ENOX2: variants seen among roughly 807,000 people sequenced by gnomAD.
ENOX2 encodes the protein ecto-NOX disulfide-thiol exchanger 2.
In ENOX2, 36 loss-of-function variants were observed where a neutral mutation model predicts 45.0. That is an observed-to-expected ratio of 0.80 (90% CI 0.61 to 1.06). The LOEUF is 1.06. Among genes scored for constraint, ENOX2 ranks in the 50% least tolerant of loss-of-function variants. The probability of loss-of-function intolerance (pLI) is 0.00; values close to 1 mark genes in which losing one functional copy is unlikely to be tolerated. For synonymous variants in ENOX2, 174 were observed against 152.3 expected, an observed-to-expected ratio of 1.14 and a Z score of -1.05; for missense variants, 423 against 462.5, an observed-to-expected ratio of 0.91 and a Z score of 0.78.
intron 9 of ENOX2, among the ~76,000 whole-genome samples, chrX:130,660,509 G>A (rs1163968805): frequency 1.8e-5 from 2 of 111,727 alleles, no homozygotes; most frequent in Admixed American, 9.5e-5. Context: ...ACCCCAGGAA[G>A]GCATTCTACC....
intron 2 of ENOX2, among the ~76,000 whole-genome samples, chrX:130,818,248 G>T: frequency 2.7e-5 from 3 of 111,581 alleles, no homozygotes; most frequent in Non-Finnish European, 5.6e-5. Flanking sequence ...GCAAATAAGA[G>T]AGGACATAAA....
Position 130,624,689 on chromosome X carries a change from GAT to G in ENOX2, c.*623_*624del, listed in dbSNP as rs2035498487. The stretch of plus-strand genomic sequence containing the variant: ...CAATTCTGAAACAGATCTTTAATGT[GAT>G]ATGTTAGAGAAAATAACTTTGGAAC... On this transcript the variant is annotated 3_prime_UTR_variant, in exon 15 of 15. Coordinates refer to ENST00000394363, the MANE Select transcript of ENOX2 (RefSeq NM_006375.4). 1.8e-5 allele frequency: 2 copies of G among 112,735 alleles called. No individual in the cohort carries two copies. Among genetic ancestry groups the G allele is most frequent in the South Asian group, 7.2e-4 (2 of 2,771 alleles). The allele number at this position is 112,735 out of a possible 1,213,427, so 9.3% of individuals were successfully genotyped here.
intron 10 of ENOX2, among the ~76,000 whole-genome samples, chrX:130,640,531 AG>A (rs1386307053): frequency 1.8e-5 from 2 of 112,866 alleles, no homozygotes; most frequent in East Asian, 5.5e-4. Flanking sequence ...GACTGGATAA[AG>A]AAAATGTGGT....
At chrX:130,817,364 T>C (rs1456276184) in intron 2 of ENOX2, among the ~76,000 whole-genome samples, 2 of 112,029 alleles carry the variant, frequency 1.8e-5, no homozygotes, top group Admixed American at 9.4e-5. Context: ...TACCATTCCT[T>C]CTGTAACTAT....
intron 10 of ENOX2, among the ~76,000 whole-genome samples, chrX:130,649,461 G>A (rs1456253808): frequency 1.8e-5 from 2 of 111,314 alleles, no homozygotes; most frequent in Non-Finnish European, 3.8e-5. Context: ...AGGCTGCTGT[G>A]GTCAGATGGT....
intron 9 of ENOX2, among the ~76,000 whole-genome samples, chrX:130,659,469 G>A (rs1055925054): frequency 8.9e-6 from 1 of 111,897 alleles, no homozygotes; most frequent in Non-Finnish European, 1.9e-5. Context: ...AAAGGGCTGT[G>A]TCAAGAGAGA....
intron 2 of ENOX2, among the ~76,000 whole-genome samples, chrX:130,898,727 CTT>C (rs1007829022): frequency 1.9e-5 from 2 of 103,884 alleles, no homozygotes; most frequent in Non-Finnish European, 3.9e-5. Context: ...TTAAGATGTT[CTT>C]TTTTTTCTTT....
intron 3 of ENOX2, among the ~76,000 whole-genome samples, chrX:130,735,170 G>A (rs1453462014): frequency 8.9e-6 from 1 of 112,161 alleles, no homozygotes; most frequent in Admixed American, 9.4e-5. Context: ...CATTTCCACA[G>A]GGCATAGCAC....
intron 12 of ENOX2, among the ~76,000 whole-genome samples, chrX:130,632,374 G>GGGA (rs1556405829): frequency 1.8e-5 from 1 of 54,472 alleles, no homozygotes; most frequent in Non-Finnish European, 3.4e-5. Flanking sequence ...CGGGGGGGGG[G>GGGA]GGTGGTCCTA....
intron 3 of ENOX2, among the ~76,000 whole-genome samples, chrX:130,735,652 G>A (rs2038843473): frequency 8.9e-6 from 1 of 112,171 alleles, no homozygotes; most frequent in Non-Finnish European, 1.9e-5. Flanking sequence ...AGTATGAAAA[G>A]TTGTACATAC....
chrX:130,802,284 G>T (rs1231111867), intron 2 of ENOX2, among the ~76,000 whole-genome samples: 1 of 111,798 alleles, frequency 8.9e-6, no homozygotes, highest in African/African-American at 3.3e-5. Context: ...TTTTAAAATG[G>T]TTGCTTCTGC....
chrX:130,726,456 T>A (rs1351091952), intron 3 of ENOX2, among the ~76,000 whole-genome samples: 2 of 112,464 alleles, frequency 1.8e-5, no homozygotes, highest in African/African-American at 6.5e-5. Context: ...TGCTTCCTGC[T>A]AAGTTGCATC....
At chrX:130,846,207 TA>T (rs781189344) in intron 2 of ENOX2, among the ~76,000 whole-genome samples, 37 of 111,638 alleles carry the variant, frequency 3.3e-4, no homozygotes, top group Non-Finnish European at 5.5e-4. Flanking sequence ...TCTTTGAAAT[TA>T]AAAACTTTAT....
intron 2 of ENOX2, among the ~76,000 whole-genome samples, chrX:130,823,032 G>A (rs1419277795): frequency 9.0e-6 from 1 of 111,715 alleles, no homozygotes; most frequent in East Asian, 2.8e-4. Flanking sequence ...GTAAAAGGGT[G>A]CTGACGGGTA....
At chrX:130,853,784 CA>C (rs1210345940) in intron 2 of ENOX2, among the ~76,000 whole-genome samples, 3 of 110,754 alleles carry the variant, frequency 2.7e-5, no homozygotes, top group African/African-American at 9.9e-5. Context: ...GTGATGTCAG[CA>C]AAGGCCTAAA....
At chrX:130,864,936 CG>C (rs2078468296) in intron 2 of ENOX2, among the ~76,000 whole-genome samples, 1 of 110,819 alleles carries the variant, frequency 9.0e-6, no homozygotes, top group Non-Finnish European at 1.9e-5. Context: ...TGCTTGAACA[CG>C]GGAGGCAGAG....
intron 10 of ENOX2, among the ~76,000 whole-genome samples, chrX:130,639,498 T>G (rs2036023122): frequency 8.9e-6 from 1 of 112,425 alleles, no homozygotes; most frequent in African/African-American, 3.2e-5. Context: ...TTATGAGAAT[T>G]TCTTTCACCT....
chrX:130,681,392 G>GTTTT (rs1309941090), intron 5 of ENOX2, among the ~76,000 whole-genome samples: 48 of 109,387 alleles, frequency 4.4e-4, no homozygotes, highest in African/African-American at 1.3e-3. Context: ...CTGTGCATTC[G>GTTTT]TTTTTTTTTG....
chrX:130,891,180 TA>T (rs2078976937), intron 2 of ENOX2, among the ~76,000 whole-genome samples: 1 of 110,076 alleles, frequency 9.1e-6, no homozygotes, highest in Admixed American at 9.7e-5. Flanking sequence ...ACCTCTTAAA[TA>T]AATAAATAAA....
Sources: gnomAD v4.1 joint callset for allele counts (sites outside exome capture counted in the v4.1 genomes callset) on GRCh38, gnomAD v4.1.1 for gene constraint, MANE v1.5 for transcripts, NCBI Gene and HGNC (gene_info 2026-07-23, HGNC 2026-07-21) for gene names.